Variants in PDE4D observed in about 807,000 individuals in gnomAD.
The protein encoded by PDE4D is phosphodiesterase 4D.
PDE4D carries 24 observed loss-of-function variants against 87.4 expected under a neutral mutation model. The ratio of observed to expected loss-of-function variants is 0.27; its 90% CI spans 0.20 to 0.39. PDE4D has a LOEUF of 0.39. Among genes scored for constraint, PDE4D ranks in the 10% least tolerant of loss-of-function variants. The pLI is 1.00. For missense variants in PDE4D, 714 were observed against 1,041.0 expected, an observed-to-expected ratio of 0.69 and a Z score of 4.32; for synonymous variants, 384 against 383.2, an observed-to-expected ratio of 1.00 and a Z score of -0.02.
chr5:59,497,651 T>A (rs1807472398), intron 1 of PDE4D, among the ~76,000 whole-genome samples: 1 of 152,022 alleles, frequency 6.6e-6, no homozygotes, highest in Non-Finnish European at 1.5e-5. Context: ...AAAAAAATAA[T>A]TTTAAACAAT....
At chr5:59,119,947 G>A (rs1185843760) in intron 5 of PDE4D, among the ~76,000 whole-genome samples, 2 of 151,994 alleles carry the variant, frequency 1.3e-5, no homozygotes, top group Admixed American at 1.3e-4. Flanking sequence ...TGGGCTCAAG[G>A]GATCCTCCAG....
chr5:60,342,338 C>G (rs1036535596), intron 1 of PDE4D, among the ~76,000 whole-genome samples: 3 of 152,020 alleles, frequency 2.0e-5, no homozygotes, highest in African/African-American at 7.3e-5. Context: ...TCAACATTAC[C>G]ATGTATTAAT....
At chr5:59,193,326 T>C (rs1744734924) in intron 3 of PDE4D, among the ~76,000 whole-genome samples, 174 bp downstream of exon 3, 1 of 152,204 alleles carries the variant, frequency 6.6e-6, no homozygotes, top group Non-Finnish European at 1.5e-5. Flanking sequence ...AACAGATTAA[T>C]ATAGCCAAAG....
At chr5:59,457,851 G>A (rs1398643884) in intron 1 of PDE4D, among the ~76,000 whole-genome samples, 1 of 152,032 alleles carries the variant, frequency 6.6e-6, no homozygotes, top group East Asian at 1.9e-4. Context: ...AGCTGAGTTT[G>A]TGCCATTGCA....
chr5:59,354,360 G>A (rs1307219108), intron 1 of PDE4D, among the ~76,000 whole-genome samples: 1 of 152,090 alleles, frequency 6.6e-6, no homozygotes, highest in Admixed American at 6.6e-5. Context: ...CAAAAACAAG[G>A]CTGTGACATT....
rs188290487 is a variant in PDE4D, at chr5:60,504,901, C to T, written n.70+17150G>A. On this transcript the variant is annotated intron_variant and non_coding_transcript_variant, in intron 1 of 2. Transcript: ENST00000506510. ...TGCAAATGGGAGAGCTCCCCTAAAC[C>T]TATCCTCCCCCAACAAAAGCATAAA... is the stretch of plus-strand genomic sequence containing the variant. 1.8e-4 allele frequency among the ~76,000 whole-genome samples: 27 copies of T among 152,292 alleles called. No individual in the cohort carries two copies. In the East Asian group the frequency reaches 5.0e-3, roughly 28 times the overall value.
rs951227967 is a variant in PDE4D at position 59,244,735 on chromosome 5, G to A, written c.456-28767C>T. On this transcript the variant is annotated intron_variant, in intron 1 of 14. Coordinates refer to ENST00000340635, the MANE Select transcript of PDE4D (RefSeq NM_001104631.2). ...GTGTGTGTGTGTGTATAGAGAGACC[G>A]ACCTGATTTCATCTGGCACATAATA... 4.3e-5 allele frequency among the ~76,000 whole-genome samples: 6 copies of A among 139,210 alleles called. No individual in the cohort carries two copies. In the South Asian group the frequency reaches 7.1e-4, roughly 16 times the overall value. The allele number at this position is 139,210 out of a possible 152,430, so 91.3% of individuals were successfully genotyped here.
At chr5:59,283,906 A>G (rs1399593724) in intron 1 of PDE4D, among the ~76,000 whole-genome samples, 1 of 152,152 alleles carries the variant, frequency 6.6e-6, no homozygotes, top group East Asian at 1.9e-4. Flanking sequence ...CTGTTTAGCT[A>G]TCGATTTGGA....
At position 58,974,303 on chromosome 5, in the gene PDE4D, T is replaced by C. The variant is rs965496730; in HGVS notation, c.*361A>G. ...CTGTGCAATGCCTTTCTTCTGAAAA[T>C]ATTGCAAACAAATAAAAAGGAATAG... On this transcript the variant is annotated 3_prime_UTR_variant, in exon 15 of 15. Transcript: ENST00000340635. 1 of 161,760 alleles carries C rather than the reference T, an allele frequency of 6.2e-6. No homozygotes were observed. Among genetic ancestry groups the C allele is most frequent in the African/African-American group, 2.4e-5 (1 of 40,916 alleles). 10.0% of individuals were successfully genotyped at this position (161,760 alleles called of 1,614,324 possible).
chr5:60,363,591 T>A (rs893222919), intron 1 of PDE4D, among the ~76,000 whole-genome samples: 4 of 152,050 alleles, frequency 2.6e-5, no homozygotes, highest in African/African-American at 9.7e-5. Context: ...GAGAGGCAAA[T>A]AATAAGTAAG....
chr5:58,983,705 G>T (rs1369321738), intron 11 of PDE4D, among the ~76,000 whole-genome samples: 1 of 152,194 alleles, frequency 6.6e-6, no homozygotes, highest in Non-Finnish European at 1.5e-5. Context: ...CATTAAATCT[G>T]CTGGATCATG....
intron 5 of PDE4D, among the ~76,000 whole-genome samples, chr5:59,119,227 T>C (rs1185402348): frequency 3.3e-5 from 5 of 152,194 alleles, no homozygotes; most frequent in African/African-American, 7.2e-5. Context: ...ATTATTACTA[T>C]TATTTTTGGT....
intron 1 of PDE4D, among the ~76,000 whole-genome samples, chr5:60,358,154 T>C (rs906579382): frequency 6.6e-6 from 1 of 152,192 alleles, no homozygotes; most frequent in Non-Finnish European, 1.5e-5. Context: ...TCTGCTATAC[T>C]GTGGTGTTCC....
At chr5:60,044,700 T>C (rs184366904) in intron 2 of PDE4D, among the ~76,000 whole-genome samples, 1 of 152,230 alleles carries the variant, frequency 6.6e-6, no homozygotes, top group Non-Finnish European at 1.5e-5. Flanking sequence ...GAACTCATCA[T>C]GTTTTATGGC....
At chr5:60,500,508 G>A (rs1339092753) in intron 1 of PDE4D, among the ~76,000 whole-genome samples, 1 of 152,154 alleles carries the variant, frequency 6.6e-6, no homozygotes, top group Non-Finnish European at 1.5e-5. Flanking sequence ...TTGGTAAATA[G>A]ATGTTAAGTA....
chr5:59,629,228 CT>C (rs1403803590), intron 1 of PDE4D, among the ~76,000 whole-genome samples: 4 of 152,100 alleles, frequency 2.6e-5, no homozygotes, highest in Non-Finnish European at 5.9e-5. Flanking sequence ...ATGGGTTGTA[CT>C]GTGTCCCCCT....
rs114530151 is a variant in PDE4D at position 59,649,721 on chromosome 5, T to C, written c.455+243447A>G. Among the ~76,000 whole-genome samples the C allele has an allele frequency of 1.7e-3, 255 of 150,980 alleles. 2 individuals are homozygous for C. Among genetic ancestry groups the C allele is most frequent in the African/African-American group, 5.4e-3 (223 of 41,090 alleles). On this transcript the variant is annotated intron_variant, in intron 1 of 14. Transcript: ENST00000340635. ...GGCCTTCACTGAAGCTTGGGAGTTA[T>C]ATAACACTGATCTAGGATGGCATGC...
At chr5:60,111,659 T>G (rs560796225) in intron 2 of PDE4D, among the ~76,000 whole-genome samples, 2 of 152,100 alleles carry the variant, frequency 1.3e-5, no homozygotes, top group African/African-American at 2.4e-5. Flanking sequence ...TCATCTCTTA[T>G]AGTAGCATGC....
At chr5:59,443,838 C>G (rs1459773119) in intron 1 of PDE4D, among the ~76,000 whole-genome samples, 1 of 151,878 alleles carries the variant, frequency 6.6e-6, no homozygotes, top group Non-Finnish European at 1.5e-5. Context: ...CTCTCTTGAC[C>G]TTTTGGATAC....
Sources: allele counts gnomAD v4.1 joint callset (sites outside exome capture counted in the v4.1 genomes callset), GRCh38; gene constraint gnomAD v4.1.1; transcripts MANE v1.5; gene names NCBI Gene and HGNC (gene_info 2026-07-23, HGNC 2026-07-21).